CNOT2: variants seen among roughly 807,000 people sequenced by gnomAD.
CNOT2 encodes the protein CC chemokine receptor 4-negative regulator of transcription 2.
Under a neutral mutation model 72.1 loss-of-function variants are expected in CNOT2, and 7 were observed. The ratio of observed to expected loss-of-function variants is 0.10; its 90% CI spans 0.06 to 0.18. CNOT2 has a LOEUF of 0.18. CNOT2 is among the 10% of genes least tolerant of loss of function. The pLI is 1.00. For missense variants in CNOT2, 345 were observed against 660.3 expected (o/e 0.52, Z 5.23); for synonymous variants, 196 against 225.6 (o/e 0.87, Z 1.17).
chr12:70,348,063 G>A (rs1033111466), intron 15 of CNOT2: 3 of 152,028 alleles, frequency 2.0e-5, no homozygotes, highest in Admixed American at 2.0e-4. Flanking sequence ...TTTCCTCTAA[G>A]TTTTTATGAA....
chr12:70,303,520 T>C (rs1316640896), intron 2 of CNOT2, among the ~76,000 whole-genome samples: 1 of 152,228 alleles, frequency 6.6e-6, no homozygotes, highest in Non-Finnish European at 1.5e-5. Flanking sequence ...AAAATTCTTT[T>C]CTTTAAGAAT....
intron 2 of CNOT2, among the ~76,000 whole-genome samples, chr12:70,286,447 TAC>T (rs1468298875): frequency 2.0e-5 from 3 of 150,062 alleles, no homozygotes; most frequent in African/African-American, 7.3e-5. Context: ...GTGTTAGAAG[TAC>T]AGTTTCCTTT....
At chr12:70,276,119 T>C (rs892456933) in intron 1 of CNOT2, among the ~76,000 whole-genome samples, 4 of 152,032 alleles carry the variant, frequency 2.6e-5, no homozygotes, top group African/African-American at 7.2e-5. Context: ...ATTTTCCCTT[T>C]ATACAAAAAT....
chr12:70,309,352 TTTA>T (rs1876050522), intron 2 of CNOT2, among the ~76,000 whole-genome samples: 1 of 152,200 alleles, frequency 6.6e-6, no homozygotes, highest in African/African-American at 2.4e-5. Flanking sequence ...GTCCTTAGAC[TTTA>T]TTTATACCTG....
intron 1 of CNOT2, among the ~76,000 whole-genome samples, chr12:70,257,589 G>A (rs555054889): frequency 4.6e-5 from 7 of 150,964 alleles, no homozygotes; most frequent in South Asian, 4.2e-4. Flanking sequence ...GGATGCTCTC[G>A]ATCTCCTGAC....
intron 1 of CNOT2, among the ~76,000 whole-genome samples, chr12:70,262,365 C>T (rs979549566): frequency 1.3e-5 from 2 of 152,106 alleles, no homozygotes; most frequent in African/African-American, 4.8e-5. Context: ...GCTCCACCTC[C>T]CAGGTTCACG....
chr12:70,292,455 T>C (rs76537675), intron 2 of CNOT2, among the ~76,000 whole-genome samples: 1 of 152,182 alleles, frequency 6.6e-6, no homozygotes, highest in African/African-American at 2.4e-5. Context: ...CTGAGATGAC[T>C]TCACACCTGA....
At chr12:70,269,121 T>G (rs1959171603) in intron 1 of CNOT2, among the ~76,000 whole-genome samples, 1 of 152,224 alleles carries the variant, frequency 6.6e-6, no homozygotes, top group Non-Finnish European at 1.5e-5. Flanking sequence ...TCAAAGTTGA[T>G]TTAGCCCTGG....
chr12:70,330,224 T>G, intron 5 of CNOT2, 63 bp from the exon 6 acceptor site: 1 of 750,606 alleles, frequency 1.3e-6, no homozygotes, highest in Admixed American at 2.6e-5. Flanking sequence ...AATTGATTAT[T>G]TAAAGAGAAT....
chr12:70,298,234 A>G (rs1443867660), intron 2 of CNOT2, among the ~76,000 whole-genome samples: 4 of 152,098 alleles, frequency 2.6e-5, no homozygotes, highest in Non-Finnish European at 4.4e-5. Context: ...TAAATATTCG[A>G]TTGTGGTATA....
intron 2 of CNOT2, among the ~76,000 whole-genome samples, chr12:70,282,251 T>G (rs1229478382): frequency 6.6e-6 from 1 of 152,176 alleles, no homozygotes; most frequent in African/African-American, 2.4e-5. Context: ...AACTTTTCAG[T>G]ATGAGGTCAT....
intron 3 of CNOT2, among the ~76,000 whole-genome samples, chr12:70,317,880 GA>G (rs111352351): frequency 6.7e-6 from 1 of 148,776 alleles, no homozygotes; most frequent in Non-Finnish European, 1.5e-5. Flanking sequence ...TGAGAAAATA[GA>G]AAAAAAAACA....
intron 1 of CNOT2, among the ~76,000 whole-genome samples, chr12:70,263,337 A>G (rs1266619639): frequency 6.6e-6 from 1 of 151,698 alleles, no homozygotes; most frequent in African/African-American, 2.4e-5. Context: ...ACATATGTTG[A>G]TTCACTTAAT....
intron 1 of CNOT2, among the ~76,000 whole-genome samples, chr12:70,266,180 C>G (rs566954855): frequency 2.6e-5 from 4 of 151,986 alleles, no homozygotes; most frequent in Admixed American, 2.6e-4. Context: ...CATCTTGGCT[C>G]ACCACAACCT....
intron 11 of CNOT2, chr12:70,341,868 A>T (rs369671965): frequency 5.8e-6 from 3 of 519,674 alleles, no homozygotes; most frequent in African/African-American, 3.8e-5. Context: ...ATATTGTGAT[A>T]TGTTGTGTTA....
In CNOT2 at chr12:70,353,984, C is replaced by A; in HGVS notation, c.*69C>A. 4.0e-6 allele frequency: 6 copies of A among 1,498,192 alleles called. No individual in the cohort carries two copies. The highest frequency in any genetic ancestry group is 5.3e-6 in the Non-Finnish European group (6 of 1,125,772). The allele number at this position is 1,498,192 out of a possible 1,614,324, so 92.8% of individuals were successfully genotyped here. Reference sequence around the variant, plus strand: ...ATGGCTGTCTCAGCACAATACTCAACATAACTGCAGAACTGATGTGGCTCA... The same window carrying A: ...ATGGCTGTCTCAGCACAATACTCAAAATAACTGCAGAACTGATGTGGCTCA... On this transcript the variant is annotated 3_prime_UTR_variant, in exon 16 of 16. Transcript: ENST00000229195.
At chr12:70,319,809 A>G (rs1459792704) in intron 4 of CNOT2, among the ~76,000 whole-genome samples, 7 of 151,624 alleles carry the variant, frequency 4.6e-5, no homozygotes, top group African/African-American at 1.7e-4. Context: ...TTTCACAAGT[A>G]TTTCTTAAAT....
chr12:70,317,635 T>G (rs1210144630), intron 3 of CNOT2, among the ~76,000 whole-genome samples: 1 of 138,660 alleles, frequency 7.2e-6, no homozygotes, highest in Non-Finnish European at 1.6e-5. Flanking sequence ...TTTTTTTTTT[T>G]TAGAAAAATC....
chr12:70,263,551 T>A lies in CNOT2; in HGVS notation c.-95-14581T>A, dbSNP rs553078949. The stretch of plus-strand genomic sequence containing the variant: ...GTTAACTACATAATATCTCTTTTTT[T>A]CTTATCTCTTTCTTAAAGATAAGAC... On this transcript the variant is annotated intron_variant, in intron 1 of 15. Coordinates refer to ENST00000229195, the MANE Select transcript of CNOT2 (RefSeq NM_014515.7). Among the ~76,000 whole-genome samples, 55 of 152,336 alleles carry A rather than the reference T, an allele frequency of 3.6e-4. 1 individual carries two copies. Among genetic ancestry groups the A allele is most frequent in the South Asian group, 2.5e-3 (12 of 4,828 alleles).
Sources: allele counts gnomAD v4.1 joint callset (sites outside exome capture counted in the v4.1 genomes callset), GRCh38; gene constraint gnomAD v4.1.1; transcripts MANE v1.5; gene names NCBI Gene and HGNC (gene_info 2026-07-23, HGNC 2026-07-21).